TMEM170A: variants seen among roughly 807,000 people sequenced by gnomAD.
The protein encoded by TMEM170A is transmembrane protein 170A.
Under a neutral mutation model 12.8 loss-of-function variants are expected in TMEM170A, and 18 were observed. The observed-to-expected ratio is 1.41, with a 90% confidence interval of 0.97 to 2.09. The LOEUF is 2.09. Among genes scored for constraint, TMEM170A ranks in the 30% most tolerant of loss-of-function variants. The probability of loss-of-function intolerance (pLI) is 0.00; values close to 1 mark genes in which losing one functional copy is unlikely to be tolerated. For synonymous variants in TMEM170A, 107 were observed against 76.2 expected, an observed-to-expected ratio of 1.40 and a Z score of -2.11; for missense variants, 220 against 179.9, an observed-to-expected ratio of 1.22 and a Z score of -1.28.
At position 75,443,762 on chromosome 16, in the gene TMEM170A, C is replaced by A. The variant is rs557090890; in HGVS notation, c.*3796G>T. 2.0e-5 allele frequency: 3 copies of A among 152,258 alleles called. No individual in the cohort carries two copies. Among genetic ancestry groups the A allele is most frequent in the African/African-American group, 7.2e-5 (3 of 41,536 alleles). 9.4% of individuals were successfully genotyped at this position (152,258 alleles called of 1,614,324 possible). ...GCTCTTGTGTATGAACTTAAGTTTT[C>A]ATGAAATGCTTTCACCTCAAAACCC... On this transcript the variant is annotated 3_prime_UTR_variant, in exon 3 of 3. Coordinates refer to ENST00000561878, the MANE Select transcript of TMEM170A (RefSeq NM_145254.3).
At chr16:75,458,208 G>T (rs926824608) in intron 1 of TMEM170A, 1 of 152,174 alleles carries the variant, frequency 6.6e-6, no homozygotes, top group East Asian at 1.9e-4. Flanking sequence ...GCAGCTAAAG[G>T]CACATCATCT....
intron 1 of TMEM170A, 112 bp downstream of exon 1, chr16:75,464,356 C>G (rs1012738428): frequency 1.6e-6 from 2 of 1,243,068 alleles, no homozygotes; most frequent in South Asian, 4.0e-5. Context: ...GAGGACAGCG[C>G]CCACGCCGCC....
chr16:75,464,256 G>A lies in TMEM170A; in HGVS notation c.133+212C>T, dbSNP rs537454141. On this transcript the variant is annotated intron_variant, in intron 1 of 2. Coordinates refer to ENST00000561878, the MANE Select transcript of TMEM170A (RefSeq NM_145254.3). ...CCTGCGGCCGCTCTCTGCATCTCAC[G>A]CCCAGCGGGACTCCGGGGCTCCGCC... 392 of 1,498,546 alleles carry A rather than the reference G, an allele frequency of 2.6e-4. 1 individual carries two copies. Among genetic ancestry groups the A allele is most frequent in the Middle Eastern group, 1.4e-3 (8 of 5,532 alleles). 92.8% of individuals were successfully genotyped at this position (1,498,546 alleles called of 1,614,324 possible). A position where few individuals can be genotyped will look rare whatever the true frequency, so the allele number is the denominator to read the frequency against.
At chr16:75,457,563 G>A (rs1266507857) in intron 1 of TMEM170A, among the ~76,000 whole-genome samples, 1 of 152,158 alleles carries the variant, frequency 6.6e-6, no homozygotes, top group African/African-American at 2.4e-5. Context: ...CCAGAACTGA[G>A]GAGATAATGT....
intron 1 of TMEM170A, chr16:75,458,209 C>A (rs1173630171): frequency 6.6e-6 from 1 of 152,218 alleles, no homozygotes; most frequent in Non-Finnish European, 1.5e-5. Context: ...CAGCTAAAGG[C>A]ACATCATCTC....
rs1028113807 is a variant in TMEM170A at position 75,458,052 on chromosome 16, C to G, written c.134-6213G>C. 6.6e-5 allele frequency among the ~76,000 whole-genome samples: 10 copies of G among 152,206 alleles called. No individual in the cohort carries two copies. The East Asian group carries it at 1.5e-3, about 23-fold the overall frequency. ...AATCTACTGCACCTTAATTTGCCAT[C>G]TATTTAATAGCTATTTATCGATTGT... On this transcript the variant is annotated intron_variant, in intron 1 of 2. Coordinates refer to ENST00000561878, the MANE Select transcript of TMEM170A (RefSeq NM_145254.3).
chr16:75,451,703 G>A lies in TMEM170A; in HGVS notation c.270C>T (p.Gly90=). The A allele has an allele frequency of 6.2e-7, 1 of 1,614,170 alleles. No homozygotes were observed. The highest frequency in any genetic ancestry group is 8.5e-7 in the Non-Finnish European group (1 of 1,180,026). ...RFMSVSILLM[G]IVGPITAGIL... is the part of the protein sequence containing the mutation. ...TTCCAGCAGTAATTGGTCCCACGAT[G>A]CCCATCAACAGGATGCTTACAGACA... Residue 90 remains glycine, a synonymous_variant, in exon 2 of 3, where the codon GGC becomes GGT. Transcript: ENST00000561878.
chr16:75,449,520 T>C (rs911368976), intron 2 of TMEM170A, among the ~76,000 whole-genome samples: 1 of 152,180 alleles, frequency 6.6e-6, no homozygotes, highest in Admixed American at 6.6e-5. Flanking sequence ...GGTCTCACTA[T>C]GTTGCCAAGG....
chr16:75,457,560 T>C (rs768677131), intron 1 of TMEM170A, among the ~76,000 whole-genome samples: 28 of 152,130 alleles, frequency 1.8e-4, no homozygotes, highest in Non-Finnish European at 3.8e-4. Context: ...CCTCCAGAAC[T>C]GAGGAGATAA....
intron 1 of TMEM170A, among the ~76,000 whole-genome samples, chr16:75,456,414 C>T (rs28525459): frequency 0.18 from 26,637 of 151,978 alleles, 2,515 homozygotes; most frequent in Middle Eastern, 0.23. Flanking sequence ...ACGGCGAAAC[C>T]GTCTCGACCA....
chr16:75,455,544 A>C (rs1366474187), intron 1 of TMEM170A, among the ~76,000 whole-genome samples: 1 of 152,086 alleles, frequency 6.6e-6, no homozygotes, highest in Non-Finnish European at 1.5e-5. Context: ...AATAATTATT[A>C]GATAGGCCAG....
intron 1 of TMEM170A, among the ~76,000 whole-genome samples, chr16:75,452,071 A>G (rs867775121): frequency 1.3e-5 from 2 of 151,816 alleles, no homozygotes; most frequent in Non-Finnish European, 2.9e-5. Context: ...TCCTGGGTTC[A>G]CACGATTCTC....
Position 75,447,691 on chromosome 16 carries a change from G to T in TMEM170A, c.305-3C>A, listed in dbSNP as rs1256481870. Reference sequence around the variant, plus strand: ...GTAAACTCCAGCAATAGCTGCACCTGATTTAAAATGCAAGAATGTTAAACA... The same window carrying T: ...GTAAACTCCAGCAATAGCTGCACCTTATTTAAAATGCAAGAATGTTAAACA... On this transcript the variant is annotated splice_region_variant and splice_polypyrimidine_tract_variant and intron_variant, in intron 2 of 2. Transcript: ENST00000561878. 1 of 1,579,046 alleles carries T rather than the reference G, an allele frequency of 6.3e-7. No homozygotes were observed. The highest frequency in any genetic ancestry group is 8.6e-7 in the Non-Finnish European group (1 of 1,167,306).
At chr16:75,453,320 G>A (rs2079722412) in intron 1 of TMEM170A, among the ~76,000 whole-genome samples, 1 of 152,106 alleles carries the variant, frequency 6.6e-6, no homozygotes, top group Admixed American at 6.6e-5. Context: ...TGTAGTCCTA[G>A]CTACTCGAGA....
intron 1 of TMEM170A, among the ~76,000 whole-genome samples, chr16:75,455,772 C>T (rs56160171): frequency 0.02 from 2,975 of 152,226 alleles, 48 homozygotes; most frequent in Non-Finnish European, 0.028. Context: ...GAGAGCTAGA[C>T]TTTAAAAAGA....
At chr16:75,462,052 T>C (rs892347975) in intron 1 of TMEM170A, among the ~76,000 whole-genome samples, 2 of 152,186 alleles carry the variant, frequency 1.3e-5, no homozygotes, top group Admixed American at 1.3e-4. Flanking sequence ...TAACAGAGGA[T>C]GCAGGAACCC....
Position 75,445,127 on chromosome 16 carries a change from G to T in TMEM170A, c.*2431C>A, listed in dbSNP as rs2079561877. Reference sequence around the variant, plus strand: ...ACCAATTCCCCAGATTTCTTAAACTGAAGGGATACTTTTGAAAATCACAGC... The same window carrying T: ...ACCAATTCCCCAGATTTCTTAAACTTAAGGGATACTTTTGAAAATCACAGC... On this transcript the variant is annotated 3_prime_UTR_variant, in exon 3 of 3. Coordinates refer to ENST00000561878, the MANE Select transcript of TMEM170A (RefSeq NM_145254.3). 6.6e-6 allele frequency: 1 copy of T among 152,196 alleles called. No homozygotes were observed. Among genetic ancestry groups the T allele is most frequent in the Non-Finnish European group, 1.5e-5 (1 of 68,030 alleles). The allele number at this position is 152,196 out of a possible 1,614,324, so 9.4% of individuals were successfully genotyped here. A position where few individuals can be genotyped will look rare whatever the true frequency, so the allele number is the denominator to read the frequency against.
intron 2 of TMEM170A, among the ~76,000 whole-genome samples, chr16:75,451,221 T>C (rs1186427686): frequency 7.4e-6 from 1 of 134,836 alleles, no homozygotes. Context: ...AGCCAAGTAA[T>C]AGGACCTTGG....
At chr16:75,454,270 G>T (rs906185161) in intron 1 of TMEM170A, among the ~76,000 whole-genome samples, 1 of 151,770 alleles carries the variant, frequency 6.6e-6, no homozygotes, top group African/African-American at 2.4e-5. Context: ...TCCCCAAGGG[G>T]GCAAAACTAC....
Sources: allele counts gnomAD v4.1 joint callset (sites outside exome capture counted in the v4.1 genomes callset), GRCh38; gene constraint gnomAD v4.1.1; transcripts MANE v1.5; gene names NCBI Gene and HGNC (gene_info 2026-07-23, HGNC 2026-07-21).